The following RANBP2 variants were observed in gnomAD, a reference collection of about 807,000 sequenced individuals.
The protein encoded by RANBP2 is RAN binding protein 2, also known as E3 SUMO-protein ligase RanBP2.
A neutral mutation model predicts 303.6 loss-of-function variants in RANBP2; 57 were observed. The ratio of observed to expected loss-of-function variants is 0.19; its 90% confidence interval spans 0.15 to 0.23. RANBP2 has a LOEUF of 0.23. Among genes scored for constraint, RANBP2 ranks in the 10% least tolerant of loss-of-function variants. The pLI is 1.00. For missense variants in RANBP2, 3,138 were observed against 3,780.8 expected, an observed-to-expected ratio of 0.83 and a Z score of 4.46; for synonymous variants, 1,167 against 1,301.5, an observed-to-expected ratio of 0.90 and a Z score of 2.23.
chr2:109,519,198 C>T, the RANBP2 span, among the ~76,000 whole-genome samples: 8 of 152,196 alleles, frequency 5.3e-5, no homozygotes, highest in African/African-American at 1.9e-4. Context: ...GGATTACAGG[C>T]TTGAGCCACC....
chr2:109,721,575 G>A, the RANBP2 span, among the ~76,000 whole-genome samples: 4 of 152,332 alleles, frequency 2.6e-5, no homozygotes, highest in East Asian at 3.9e-4. Context: ...CTCCAAGGCC[G>A]CACAGCTAGA....
At chr2:108,794,658 T>C in the RANBP2 span, 1 of 1,613,992 alleles carries the variant, frequency 6.2e-7, no homozygotes. Context: ...ACAAGCGGAG[T>C]TTACTTCCAC....
At chr2:108,740,424 A>G (rs1479627234) in intron 6 of RANBP2, 65 bp from the exon 7 acceptor site, 6 of 1,594,900 alleles carry the variant, frequency 3.8e-6, no homozygotes, top group Non-Finnish European at 5.1e-6. Context: ...TTTTGAATTA[A>G]ATAAACCATG....
At chr2:109,730,776 C>CTTTTT in the RANBP2 span, among the ~76,000 whole-genome samples, 51 of 79,406 alleles carry the variant, frequency 6.4e-4, 2 homozygotes, top group South Asian at 9.4e-4. Context: ...CTCTCTCTCT[C>CTTTTT]TTTTTTTTTT....
the RANBP2 span, among the ~76,000 whole-genome samples, chr2:109,398,277 C>T: frequency 1.3e-5 from 2 of 152,154 alleles, no homozygotes; most frequent in African/African-American, 2.4e-5. Flanking sequence ...GTCTGCAAGG[C>T]GGCACCGTGC....
chr2:108,945,534 T>C, the RANBP2 span, among the ~76,000 whole-genome samples: 4 of 152,190 alleles, frequency 2.6e-5, 1 homozygote, highest in Non-Finnish European at 5.9e-5. Flanking sequence ...ATGGATAAGC[T>C]GGGCTTGTTG....
chr2:109,287,148 TAAA>T, the RANBP2 span, among the ~76,000 whole-genome samples: 3 of 152,302 alleles, frequency 2.0e-5, no homozygotes, highest in African/African-American at 7.2e-5. Context: ...TGTCCAGAGA[TAAA>T]AAAGACCCAG....
the RANBP2 span, among the ~76,000 whole-genome samples, chr2:109,273,280 C>G: frequency 6.6e-6 from 1 of 152,230 alleles, no homozygotes; most frequent in Non-Finnish European, 1.5e-5. Context: ...GTGGATGTAT[C>G]TGTGGGGCAC....
At chr2:108,775,359 G>T (rs561865345) in intron 23 of RANBP2, among the ~76,000 whole-genome samples, 1 of 152,280 alleles carries the variant, frequency 6.6e-6, no homozygotes, top group African/African-American at 2.4e-5. Flanking sequence ...CACTTGAGAA[G>T]AAAGTAGAGT....
the RANBP2 span, among the ~76,000 whole-genome samples, chr2:109,689,697 C>T: frequency 9.2e-5 from 14 of 152,290 alleles, no homozygotes; most frequent in East Asian, 2.5e-3. Context: ...ACGCTCTCTT[C>T]CTTCCTTCCC....
the RANBP2 span, among the ~76,000 whole-genome samples, chr2:109,120,016 A>G: frequency 1.3e-5 from 2 of 152,238 alleles, no homozygotes; most frequent in African/African-American, 4.8e-5. Context: ...CCTTCACCTG[A>G]TCAGATTAAG....
the RANBP2 span, chr2:109,564,435 T>A: frequency 6.3e-7 from 1 of 1,599,210 alleles, no homozygotes; most frequent in South Asian, 1.1e-5. Flanking sequence ...CCTGTAAAGC[T>A]CATAGTGCCT....
the RANBP2 span, chr2:108,912,646 C>T: frequency 6.5e-6 from 10 of 1,535,832 alleles, no homozygotes; most frequent in Non-Finnish European, 8.9e-6. Flanking sequence ...CCACCTAACT[C>T]CAGGTGATCG....
chr2:109,534,766 T>C, the RANBP2 span, among the ~76,000 whole-genome samples: 151 of 149,256 alleles, frequency 1.0e-3, no homozygotes, highest in African/African-American at 3.7e-3. Context: ...TGAAACTCAG[T>C]CTCAAAAAAA....
chr2:109,659,060 G>GCC, the RANBP2 span, among the ~76,000 whole-genome samples: 14 of 133,206 alleles, frequency 1.1e-4, no homozygotes, highest in African/African-American at 2.8e-4. Flanking sequence ...GCGAGACTCC[G>GCC]CCCCCCCGCC....
At chr2:109,089,046 C>A in the RANBP2 span, among the ~76,000 whole-genome samples, 1 of 152,134 alleles carries the variant, frequency 6.6e-6, no homozygotes, top group Non-Finnish European at 1.5e-5. Flanking sequence ...AACTCGAGTT[C>A]TTTCAGGGCA....
the RANBP2 span, among the ~76,000 whole-genome samples, chr2:109,656,830 G>C: frequency 6.6e-6 from 1 of 152,196 alleles, no homozygotes; most frequent in Admixed American, 6.5e-5. Context: ...CCTTGAGAAG[G>C]AAAAGAGATA....
At chr2:109,701,614 A>G in the RANBP2 span, among the ~76,000 whole-genome samples, 3 of 152,158 alleles carry the variant, frequency 2.0e-5, no homozygotes, top group Non-Finnish European at 4.4e-5. Context: ...AGAAGCAATC[A>G]GATACGCATG....
the RANBP2 span, among the ~76,000 whole-genome samples, chr2:109,394,682 A>G: frequency 2.0e-5 from 3 of 152,160 alleles, no homozygotes; most frequent in African/African-American, 4.8e-5. Context: ...TAGGAGGGGG[A>G]CGTCCACCTG....
Sources: gnomAD v4.1 joint callset for allele counts (sites outside exome capture counted in the v4.1 genomes callset) on GRCh38, gnomAD v4.1.1 for gene constraint, MANE v1.5 for transcripts, NCBI Gene and HGNC (gene_info 2026-07-23, HGNC 2026-07-21) for gene names.